The following GREB1L variants were observed in gnomAD, a reference collection of about 807,000 sequenced individuals.
GREB1L encodes the protein GREB1 like retinoic acid receptor coactivator, also known as GREB1-like protein.
A neutral mutation model predicts 200.8 loss-of-function variants in GREB1L; 17 were observed. The observed-to-expected ratio is 0.08, with a 90% CI of 0.06 to 0.13. The LOEUF (loss-of-function observed/expected upper bound fraction) is 0.13, where lower values mean the gene tolerates loss of function less well. Ranked by LOEUF, GREB1L falls within the 10% of genes least tolerant of loss-of-function variation. The probability of loss-of-function intolerance (pLI) is 1.00; values close to 1 mark genes in which losing one functional copy is unlikely to be tolerated. For missense variants in GREB1L, 1,657 were observed against 2,367.7 expected (o/e 0.70, Z 6.23); for synonymous variants, 789 against 893.0 (o/e 0.88, Z 2.08).
intron 1 of GREB1L, among the ~76,000 whole-genome samples, chr18:21,262,555 A>G (rs1444498385): frequency 6.6e-6 from 1 of 152,140 alleles, no homozygotes; most frequent in Non-Finnish European, 1.5e-5. Flanking sequence ...GCAATGTTCT[A>G]CCTCATTTGG....
rs375259504 is a variant in GREB1L, at chr18:21,316,510, T to G, written c.-119-49517T>G. Among the ~76,000 whole-genome samples, 3 of 152,184 alleles carry G rather than the reference T, an allele frequency of 2.0e-5. No individual in the cohort carries two copies. In the South Asian group the frequency reaches 6.2e-4, roughly 31 times the overall value. The stretch of plus-strand genomic sequence containing the variant: ...GGCACCTGAAGAGATGAAGCTAGAA[T>G]TAACAGGCAGAACATCAAGCACAGA... On this transcript the variant is annotated intron_variant, in intron 1 of 32. Transcript: ENST00000424526.
chr18:21,357,499 G>T (rs2039522802), intron 1 of GREB1L, among the ~76,000 whole-genome samples: 1 of 152,140 alleles, frequency 6.6e-6, no homozygotes, highest in Non-Finnish European at 1.5e-5. Context: ...AATCTCATTT[G>T]TCTGTTTTTG....
intron 15 of GREB1L, among the ~76,000 whole-genome samples, chr18:21,458,696 A>C (rs1178387695): frequency 6.6e-6 from 1 of 152,146 alleles, no homozygotes; most frequent in Non-Finnish European, 1.5e-5. Context: ...ACAAAATATC[A>C]TGGACAGAAT....
chr18:21,484,455 T>G (rs1183604090), intron 17 of GREB1L, among the ~76,000 whole-genome samples: 2 of 152,188 alleles, frequency 1.3e-5, no homozygotes, highest in Non-Finnish European at 2.9e-5. Context: ...CTTATTACAT[T>G]TTTTAAAGCT....
intron 1 of GREB1L, among the ~76,000 whole-genome samples, chr18:21,363,265 G>GGCCCCCCCCCCC (rs2039605190): frequency 6.1e-5 from 2 of 32,606 alleles, no homozygotes; most frequent in African/African-American, 1.5e-4. Context: ...GGCTCCCCCT[G>GGCCCCCCCCCCC]CCCCCACTCC....
chr18:21,437,570 C>CA (rs371065487), intron 7 of GREB1L, among the ~76,000 whole-genome samples: 306 of 138,132 alleles, frequency 2.2e-3, no homozygotes, highest in Middle Eastern at 3.7e-3. Flanking sequence ...TAACTCTTGC[C>CA]AAAAAAAAAA....
At chr18:21,348,026 A>G (rs1332133807) in intron 1 of GREB1L, among the ~76,000 whole-genome samples, 1 of 98,414 alleles carries the variant, frequency 1.0e-5, no homozygotes, top group Non-Finnish European at 2.2e-5. Flanking sequence ...CTCACTGCAA[A>G]CTCCGCCTCC....
chr18:21,511,076 G>A (rs1387998930), intron 27 of GREB1L, among the ~76,000 whole-genome samples: 2 of 151,992 alleles, frequency 1.3e-5, no homozygotes, highest in African/African-American at 4.8e-5. Flanking sequence ...ATACACTCTT[G>A]GTAAAGATTT....
At chr18:21,357,258 T>A (rs2039518029) in intron 1 of GREB1L, among the ~76,000 whole-genome samples, 1 of 152,232 alleles carries the variant, frequency 6.6e-6, no homozygotes, top group Non-Finnish European at 1.5e-5. Flanking sequence ...TTCACCATGT[T>A]AGCCAGGATG....
At chr18:21,501,024 A>G (rs1598935737) in intron 23 of GREB1L, among the ~76,000 whole-genome samples, 1 of 150,588 alleles carries the variant, frequency 6.6e-6, no homozygotes, top group African/African-American at 2.4e-5. Flanking sequence ...CCAAGATCAC[A>G]TCACTATACT....
intron 17 of GREB1L, among the ~76,000 whole-genome samples, chr18:21,482,743 G>A (rs1396276447): frequency 6.7e-6 from 1 of 150,176 alleles, no homozygotes; most frequent in Non-Finnish European, 1.5e-5. Context: ...AGAGGGTAGT[G>A]AGACCAAGGG....
chr18:21,456,829 A>G (rs11875514), intron 15 of GREB1L, among the ~76,000 whole-genome samples: 3,879 of 152,214 alleles, frequency 0.025, 176 homozygotes, highest in African/African-American at 0.086. Context: ...CCCCTTCTCC[A>G]GTATGGGGAG....
At chr18:21,491,500 G>A (rs1374547976) in intron 19 of GREB1L, among the ~76,000 whole-genome samples, 2 of 152,012 alleles carry the variant, frequency 1.3e-5, no homozygotes, top group African/African-American at 4.8e-5. Flanking sequence ...AGGAGGTCAG[G>A]AGATCAAGAC....
At chr18:21,515,335 A>G in intron 28 of GREB1L, 82 bp from the exon 29 acceptor site, 1 of 893,202 alleles carries the variant, frequency 1.1e-6, no homozygotes, top group Non-Finnish European at 1.8e-6. Context: ...TATTACTGGT[A>G]TATAGTAGTG....
rs1178245074 is a variant in GREB1L at position 21,444,190 on chromosome 18, G to A, written c.1208-34G>A. 4 of 1,470,458 alleles carry A rather than the reference G, an allele frequency of 2.7e-6. No individual in the cohort carries two copies. In the Admixed American group the frequency reaches 8.7e-5, roughly 32 times the overall value. 91.1% of individuals were successfully genotyped at this position (1,470,458 alleles called of 1,614,324 possible). A position where few individuals can be genotyped will look rare whatever the true frequency, so the allele number is the denominator to read the frequency against. On this transcript the variant is annotated intron_variant, in intron 10 of 32. Coordinates refer to ENST00000424526, the MANE Select transcript of GREB1L (RefSeq NM_001142966.3). ...ACCTGGTTGGACCATAAAAAGAAAT[G>A]TTGAACTGTACTGACCTGCTTCTAT...
intron 19 of GREB1L, among the ~76,000 whole-genome samples, chr18:21,492,086 C>G (rs1454347586): frequency 6.6e-6 from 1 of 152,018 alleles, no homozygotes; most frequent in Non-Finnish European, 1.5e-5. Flanking sequence ...GTAGCTCATG[C>G]CTGTAATCCC....
intron 4 of GREB1L, among the ~76,000 whole-genome samples, chr18:21,390,333 T>TA (rs1567971840): frequency 3.3e-5 from 5 of 152,008 alleles, no homozygotes; most frequent in Non-Finnish European, 7.4e-5. Flanking sequence ...CTCAGGCAGG[T>TA]CCTTTAGGAG....
At chr18:21,438,975 A>AAAAAG (rs950352791) in intron 7 of GREB1L, among the ~76,000 whole-genome samples, 482 of 144,976 alleles carry the variant, frequency 3.3e-3, no homozygotes, top group South Asian at 9.3e-3. Context: ...AAAAAAAAAA[A>AAAAAG]AAAAGAAAAG....
chr18:21,355,499 T>C (rs902342827), intron 1 of GREB1L, among the ~76,000 whole-genome samples: 9 of 152,152 alleles, frequency 5.9e-5, no homozygotes, highest in Admixed American at 4.6e-4. Flanking sequence ...GCCTTCTTGT[T>C]CAATATTTTA....
Sources: gnomAD v4.1 joint callset for allele counts (sites outside exome capture counted in the v4.1 genomes callset) on GRCh38, gnomAD v4.1.1 for gene constraint, MANE v1.5 for transcripts, NCBI Gene and HGNC (gene_info 2026-07-23, HGNC 2026-07-21) for gene names.